Variants in SNAPC3 observed in about 807,000 individuals in gnomAD.
The protein encoded by SNAPC3 is snRNA-activating protein complex subunit 3.
Under a neutral mutation model 47.7 loss-of-function variants are expected in SNAPC3, and 56 were observed. The observed-to-expected ratio is 1.18, with a 90% CI of 0.95 to 1.47. The LOEUF (loss-of-function observed/expected upper bound fraction) is 1.47. SNAPC3 is among the 40% of genes most tolerant of loss of function. SNAPC3 has a pLI of 0.00. For synonymous variants in SNAPC3, 235 were observed against 189.9 expected, an observed-to-expected ratio of 1.24 and a Z score of -1.95; for missense variants, 665 against 511.3, an observed-to-expected ratio of 1.30 and a Z score of -2.90.
chr9:15,439,692 A>T (rs138194035), intron 3 of SNAPC3, among the ~76,000 whole-genome samples: 6,412 of 151,748 alleles, frequency 0.042, 453 homozygotes, highest in African/African-American at 0.15. Context: ...CCACCACCAC[A>T]CCCGGCTAAT....
At chr9:15,453,273 A>G (rs545184407) in intron 7 of SNAPC3, 68 bp downstream of exon 7, 7 of 1,283,198 alleles carry the variant, frequency 5.5e-6, no homozygotes, top group Non-Finnish European at 7.5e-6. Flanking sequence ...AAAACCAGAG[A>G]TAGTTTTTTT....
chr9:15,424,946 G>A (rs186478163), intron 2 of SNAPC3, among the ~76,000 whole-genome samples: 3 of 152,116 alleles, frequency 2.0e-5, no homozygotes, highest in Non-Finnish European at 4.4e-5. Context: ...CACTGTGCAA[G>A]GTTCTTAAGT....
At chr9:15,445,172 A>G (rs568934951) in intron 4 of SNAPC3, among the ~76,000 whole-genome samples, 2 of 152,212 alleles carry the variant, frequency 1.3e-5, no homozygotes, top group East Asian at 3.8e-4. Context: ...ATCTGTTCTA[A>G]TAAGGAATAT....
At chr9:15,426,235 C>G (rs960788909) in intron 2 of SNAPC3, among the ~76,000 whole-genome samples, 4 of 151,968 alleles carry the variant, frequency 2.6e-5, no homozygotes, top group Admixed American at 1.3e-4. Flanking sequence ...CGAATATGCT[C>G]TCTCACTCCA....
chr9:15,456,427 A>G (rs79276238), intron 7 of SNAPC3, among the ~76,000 whole-genome samples: 5,970 of 152,308 alleles, frequency 0.039, 391 homozygotes, highest in African/African-American at 0.14. Context: ...TGATCAACAA[A>G]AGAAACATGA....
intron 4 of SNAPC3, 83 bp downstream of exon 4, chr9:15,444,789 T>G (rs960443353): frequency 1.4e-6 from 1 of 731,208 alleles, no homozygotes; most frequent in Non-Finnish European, 2.3e-6. Context: ...CATATTCCTA[T>G]GCTTACATTA....
At chr9:15,423,214 C>A in intron 1 of SNAPC3, 21 bp downstream of exon 1, 1 of 1,556,272 alleles carries the variant, frequency 6.4e-7, no homozygotes, top group East Asian at 2.4e-5. Context: ...AGCAAAGGGG[C>A]TCTTGCAGCT....
chr9:15,459,399 T>C (rs1449669553), intron 8 of SNAPC3, among the ~76,000 whole-genome samples: 1 of 152,178 alleles, frequency 6.6e-6, no homozygotes, highest in Non-Finnish European at 1.5e-5. Flanking sequence ...AATGACTATA[T>C]TCGTACTTGG....
intron 7 of SNAPC3, among the ~76,000 whole-genome samples, chr9:15,454,581 C>CT (rs1343886855): frequency 6.6e-6 from 1 of 152,210 alleles, no homozygotes; most frequent in Non-Finnish European, 1.5e-5. Flanking sequence ...AACTGGTAGA[C>CT]TCCCGGTTGT....
In SNAPC3 at chr9:15,442,263, C is replaced by T. The variant is rs868588371; in HGVS notation, c.478-2339C>T. 2.2e-4 allele frequency among the ~76,000 whole-genome samples: 33 copies of T among 150,358 alleles called. 2 individuals carry two copies. The highest frequency in any genetic ancestry group is 7.1e-4 in the African/African-American group (29 of 41,014). On this transcript the variant is annotated intron_variant, in intron 3 of 8. Transcript: ENST00000380821. ...CGGGCGGGGGCTGCCCCCAACCTCC[C>T]TCCTGGATGGGGCGGCTGGCCGGGC...
rs562378317 is a variant in SNAPC3 at position 15,446,869 on chromosome 9, T to C, written c.583-226T>C. ...GGGGAAATAGTGGCTTGGTGTGTAA[T>C]AAAGGAGGTGGTTTCAGAGTGGCTC... On this transcript the variant is annotated intron_variant, in intron 4 of 8. Coordinates refer to ENST00000380821, the MANE Select transcript of SNAPC3 (RefSeq NM_001039697.2). 2.6e-4 allele frequency among the ~76,000 whole-genome samples: 39 copies of C among 152,172 alleles called. No homozygotes were observed. In the South Asian group the frequency reaches 6.9e-3, roughly 27 times the overall value.
At chr9:15,466,649 G>A, downstream of SNAPC3, 1 of 896,372 alleles carries the variant, frequency 1.1e-6, no homozygotes, top group Admixed American at 3.5e-5. Context: ...GTGATCAAAA[G>A]ATAACTGCTT....
chr9:15,453,835 T>G (rs1563853404), intron 7 of SNAPC3, among the ~76,000 whole-genome samples: 1 of 152,234 alleles, frequency 6.6e-6, no homozygotes, highest in Non-Finnish European at 1.5e-5. Flanking sequence ...TGATTCCTTA[T>G]GAGAGACCAT....
chr9:15,454,814 G>A (rs1271681637), intron 7 of SNAPC3, among the ~76,000 whole-genome samples: 3 of 152,166 alleles, frequency 2.0e-5, no homozygotes, highest in African/African-American at 7.2e-5. Context: ...GGCACCTGTA[G>A]TCCTAGCTAC....
At chr9:15,454,231 A>G (rs549807423) in intron 7 of SNAPC3, among the ~76,000 whole-genome samples, 1 of 143,770 alleles carries the variant, frequency 7.0e-6, no homozygotes, top group Non-Finnish European at 1.5e-5. Context: ...CCTTGTCTCA[A>G]AAAAAAAAAA....
intron 4 of SNAPC3, among the ~76,000 whole-genome samples, chr9:15,444,956 G>A (rs1170925938): frequency 6.6e-6 from 1 of 152,156 alleles, no homozygotes; most frequent in African/African-American, 2.4e-5. Context: ...AGCTAGGCAT[G>A]GTGGTGCACA....
At chr9:15,455,879 TA>T (rs1222866071) in intron 7 of SNAPC3, among the ~76,000 whole-genome samples, 1 of 150,926 alleles carries the variant, frequency 6.6e-6, no homozygotes, top group Non-Finnish European at 1.5e-5. Flanking sequence ...TTGTATTATT[TA>T]TTTATTTTTT....
intron 3 of SNAPC3, among the ~76,000 whole-genome samples, chr9:15,437,233 T>C (rs937063504): frequency 8.5e-5 from 13 of 152,052 alleles, no homozygotes; most frequent in Non-Finnish European, 7.4e-5. Flanking sequence ...GAAATTGTTT[T>C]CTTAATTCCT....
rs1245262713 is a variant in SNAPC3, at chr9:15,422,957, C to T, written c.78C>T (p.Gly26=). Residue 26 remains glycine, a synonymous_variant, in exon 1 of 9, where the codon GGC becomes GGT. Coordinates refer to ENST00000380821, the MANE Select transcript of SNAPC3 (RefSeq NM_001039697.2). ...GRQDPVSGSG[G]CNFPEYELPE... ...AGGACCCAGTCTCCGGCAGTGGCGG[C>T]TGCAACTTTCCAGAGTATGAGCTTC... is the stretch of plus-strand genomic sequence containing the variant. The T allele has an allele frequency of 3.9e-6, 6 of 1,535,938 alleles. No individual in the cohort carries two copies. In the South Asian group the frequency reaches 6.1e-5, roughly 16 times the overall value.
Sources: allele counts gnomAD v4.1 joint callset (sites outside exome capture counted in the v4.1 genomes callset), GRCh38; gene constraint gnomAD v4.1.1; transcripts MANE v1.5; gene names NCBI Gene and HGNC (gene_info 2026-07-23, HGNC 2026-07-21).